The following EMC2 variants were observed in gnomAD, a reference collection of about 807,000 sequenced individuals.
The protein encoded by EMC2 is ER membrane protein complex subunit 2, also known as TPR repeat protein 35.
A neutral mutation model predicts 51.6 loss-of-function variants in EMC2; 37 were observed. The observed-to-expected ratio is 0.72, with a 90% confidence interval of 0.55 to 0.94. EMC2 has a LOEUF of 0.94. Ranked by LOEUF, EMC2 falls within the 40% of genes least tolerant of loss-of-function variation. EMC2 has a pLI of 0.00. For synonymous variants in EMC2, 131 were observed against 112.4 expected, an observed-to-expected ratio of 1.17 and a Z score of -1.04; for missense variants, 359 against 350.9, an observed-to-expected ratio of 1.02 and a Z score of -0.18.
rs1002478435 is a variant in EMC2, at chr8:108,469,924, C to T, written c.449+13C>T. On this transcript the variant is annotated intron_variant, in intron 6 of 10. Transcript: ENST00000220853. ...AGTATCTGGAACAGTGAGTATTTTA[C>T]AAGAGGATTGTGTTTTGTTATTCTG... 6.3e-7 allele frequency: 1 copy of T among 1,596,144 alleles called. No homozygotes were observed. The highest frequency in any genetic ancestry group is 1.3e-5 in the African/African-American group (1 of 74,682).
At position 108,479,001 on chromosome 8, in the gene EMC2, T is replaced by G. The variant is rs1484087658; in HGVS notation, c.703-5T>G. 6.5e-7 allele frequency: 1 copy of G among 1,538,024 alleles called. No individual in the cohort carries two copies. Among genetic ancestry groups the G allele is most frequent in the African/African-American group, 1.4e-5 (1 of 71,728 alleles). On this transcript the variant is annotated splice_region_variant and splice_polypyrimidine_tract_variant and intron_variant, in intron 9 of 10. Transcript: ENST00000220853. ...TTTGCTTTTGATGTTTTTATTTGTTTTTAGTCGGCAAGTCATATTGCTTCT... is the reference window on the plus strand; with the variant it reads ...TTTGCTTTTGATGTTTTTATTTGTTGTTAGTCGGCAAGTCATATTGCTTCT...
chr8:108,480,646 G>C (rs569118070), intron 10 of EMC2, among the ~76,000 whole-genome samples: 10 of 152,008 alleles, frequency 6.6e-5, no homozygotes, highest in Middle Eastern at 6.8e-3. Context: ...TTTTTGTTTT[G>C]TTTTCTTCTG....
chr8:108,464,154 C>G (rs1819405553), intron 5 of EMC2: 1 of 152,224 alleles, frequency 6.6e-6, no homozygotes, highest in East Asian at 1.9e-4. Flanking sequence ...CAGTGAATCC[C>G]ACAGTTAACA....
At chr8:108,459,720 G>GAGAC (rs1275652622) in intron 5 of EMC2, among the ~76,000 whole-genome samples, 2 of 140,532 alleles carry the variant, frequency 1.4e-5, no homozygotes, top group Non-Finnish European at 3.0e-5. Context: ...GAGAGAGAGA[G>GAGAC]AGTGTGTGTG....
At chr8:108,455,421 C>T (rs1248961625) in intron 4 of EMC2, among the ~76,000 whole-genome samples, 1 of 151,926 alleles carries the variant, frequency 6.6e-6, no homozygotes, top group East Asian at 1.9e-4. Flanking sequence ...TTAGAGTTTC[C>T]ATCTCTGTTT....
chr8:108,469,531 A>T (rs1247674782), intron 5 of EMC2, among the ~76,000 whole-genome samples: 2 of 152,182 alleles, frequency 1.3e-5, no homozygotes, highest in African/African-American at 2.4e-5. Flanking sequence ...TTTAAGTTGG[A>T]TAAAGATTAA....
At chr8:108,474,906 T>C (rs1433537602) in intron 7 of EMC2, 1 of 151,824 alleles carries the variant, frequency 6.6e-6, no homozygotes, top group Non-Finnish European at 1.5e-5. Flanking sequence ...TGTAACACAT[T>C]TAGAACAATG....
At chr8:108,461,104 G>T (rs114795301) in intron 5 of EMC2, among the ~76,000 whole-genome samples, 1 of 152,194 alleles carries the variant, frequency 6.6e-6, no homozygotes, top group African/African-American at 2.4e-5. Context: ...AGACATCGCC[G>T]TTTCTTTTTC....
intron 4 of EMC2, among the ~76,000 whole-genome samples, chr8:108,454,468 T>G (rs796750788): frequency 4.6e-5 from 7 of 152,186 alleles, no homozygotes; most frequent in African/African-American, 1.7e-4. Context: ...TGATTCACAG[T>G]TAGGGCAAAT....
chr8:108,470,177 C>G (rs1265283214), intron 7 of EMC2, 56 bp downstream of exon 7: 1 of 1,203,766 alleles, frequency 8.3e-7, no homozygotes, highest in Non-Finnish European at 1.2e-6. Context: ...ACTGTAAGTT[C>G]AGAAAGCACT....
chr8:108,459,755 ATTG>A (rs1224111243), intron 5 of EMC2, among the ~76,000 whole-genome samples: 3 of 135,236 alleles, frequency 2.2e-5, no homozygotes, highest in Admixed American at 7.2e-5. Context: ...TGTGTGTGTG[ATTG>A]TTTTGTTCTA....
chr8:108,459,159 T>G (rs1819243665), intron 5 of EMC2, among the ~76,000 whole-genome samples: 1 of 152,192 alleles, frequency 6.6e-6, no homozygotes, highest in Non-Finnish European at 1.5e-5. Context: ...GTCCGTATCA[T>G]TAGCATTTTG....
intron 5 of EMC2, among the ~76,000 whole-genome samples, chr8:108,456,294 C>G (rs906604625): frequency 3.0e-5 from 4 of 132,836 alleles, no homozygotes; most frequent in African/African-American, 5.9e-5. Flanking sequence ...GATTACGCCA[C>G]TACACTCCAG....
At chr8:108,451,347 G>C (rs1227697109) in intron 3 of EMC2, among the ~76,000 whole-genome samples, 1 of 151,570 alleles carries the variant, frequency 6.6e-6, no homozygotes, top group Non-Finnish European at 1.5e-5. Flanking sequence ...ATTATTTCTT[G>C]ATTTGATTTG....
intron 8 of EMC2, 79 bp from the exon 9 acceptor site, chr8:108,476,703 T>C: frequency 2.9e-6 from 2 of 682,592 alleles, no homozygotes; most frequent in Non-Finnish European, 5.4e-6. Context: ...GATTACTGAA[T>C]GCCTATGGTA....
intron 7 of EMC2, chr8:108,475,497 A>G (rs1434290879): frequency 6.3e-6 from 1 of 157,696 alleles, no homozygotes; most frequent in African/African-American, 2.4e-5. Flanking sequence ...CTCCTTACAC[A>G]TTAGCTGTTT....
chr8:108,480,981 A>T (rs1345011828), intron 10 of EMC2, among the ~76,000 whole-genome samples: 1 of 152,032 alleles, frequency 6.6e-6, no homozygotes, highest in Non-Finnish European at 1.5e-5. Context: ...AGAATTCATA[A>T]TTTGTTTGGT....
chr8:108,481,097 A>T (rs1811036929), intron 10 of EMC2, among the ~76,000 whole-genome samples: 1 of 152,106 alleles, frequency 6.6e-6, no homozygotes, highest in Non-Finnish European at 1.5e-5. Context: ...TGACATAGTC[A>T]CATTCTAGGG....
At chr8:108,476,075 A>G in intron 8 of EMC2, 112 bp downstream of exon 8, 1 of 578,696 alleles carries the variant, frequency 1.7e-6, no homozygotes, top group Non-Finnish European at 3.0e-6. Context: ...TATTTAAAAC[A>G]TCTGATGAGC....
Sources: gnomAD v4.1 joint callset for allele counts (sites outside exome capture counted in the v4.1 genomes callset) on GRCh38, gnomAD v4.1.1 for gene constraint, MANE v1.5 for transcripts, NCBI Gene and HGNC (gene_info 2026-07-23, HGNC 2026-07-21) for gene names.